The following PRRC2C variants were observed in gnomAD, a reference collection of about 807,000 sequenced individuals.
PRRC2C encodes the protein proline rich coiled-coil 2C.
Under a neutral mutation model 317.2 loss-of-function variants are expected in PRRC2C, and 72 were observed. The observed-to-expected ratio is 0.23, with a 90% CI of 0.19 to 0.28. The LOEUF (loss-of-function observed/expected upper bound fraction) is 0.28. Among genes scored for constraint, PRRC2C ranks in the 10% least tolerant of loss-of-function variants. The probability of loss-of-function intolerance (pLI) is 1.00; values close to 1 mark genes in which losing one functional copy is unlikely to be tolerated. For missense variants in PRRC2C, 3,074 were observed against 3,459.7 expected, an observed-to-expected ratio of 0.89 and a Z score of 2.80; for synonymous variants, 1,296 against 1,205.9, an observed-to-expected ratio of 1.07 and a Z score of -1.55.
chr1:171,550,076 A>G lies in PRRC2C; in HGVS notation c.4973-10A>G, dbSNP rs770605603. ...CAGAAAATATCTTAAATCCTTTCCC[A>G]CACCCACAGGTGTTGTTATAATTGA... On this transcript the variant is annotated splice_polypyrimidine_tract_variant and intron_variant, in intron 17 of 34. Transcript: ENST00000647382. The G allele has an allele frequency of 4.5e-6, 7 of 1,570,682 alleles. No homozygotes were observed. In the African/African-American group the frequency reaches 6.9e-5, roughly 15 times the overall value.
chr1:171,495,381 A>G (rs1172709459), intron 1 of PRRC2C, among the ~76,000 whole-genome samples: 3 of 152,342 alleles, frequency 2.0e-5, no homozygotes, highest in East Asian at 1.9e-4. Flanking sequence ...GTCATGGAAT[A>G]CATTGGTACT....
In PRRC2C at chr1:171,557,768, G is replaced by A. The variant is rs1453158798; in HGVS notation, c.5656G>A (p.Ala1886Thr). 3 of 1,550,044 alleles carry A rather than the reference G, an allele frequency of 1.9e-6. No homozygotes were observed. Among genetic ancestry groups the A allele is most frequent in the African/African-American group, 2.8e-5 (2 of 72,612 alleles). ...GCCAGCCCCAGCAGCCTCTTCCCCAGCTGCCCCAGTCATCACAGCACCAAC... is the reference window on the plus strand; with the variant it reads ...GCCAGCCCCAGCAGCCTCTTCCCCAACTGCCCCAGTCATCACAGCACCAAC... ...PTPAPAASSP[A>T]APVITAPTIP... The change falls in exon 19 of 35, where the codon GCT becomes ACT. Residue 1886 changes from alanine (A) to threonine (T), a missense_variant. Around this residue, in one of 11 missense-constraint regions of PRRC2C, gnomAD observed 640 missense variants for 676.1 expected, o/e 0.95. Transcript: ENST00000647382.
intron 6 of PRRC2C, 142 bp from the exon 7 acceptor site, chr1:171,522,035 C>T: frequency 2.8e-6 from 1 of 361,512 alleles, no homozygotes; most frequent in Non-Finnish European, 4.9e-6. Flanking sequence ...GAACAGATAA[C>T]AGTCATTAAT....
chr1:171,526,182 A>G (rs1228956573), intron 10 of PRRC2C, among the ~76,000 whole-genome samples: 1 of 152,134 alleles, frequency 6.6e-6, no homozygotes, highest in Non-Finnish European at 1.5e-5. Flanking sequence ...ATTTTGTTCC[A>G]TTATGTTTTA....
At position 171,586,926 on chromosome 1, in the gene PRRC2C, A is replaced by G. The variant is rs749428758; in HGVS notation, c.7750-77A>G. The G allele has an allele frequency of 5.3e-5, 56 of 1,055,252 alleles. 2 individuals carry two copies. The highest frequency in any genetic ancestry group is 4.6e-4 in the South Asian group (30 of 65,900). 65.4% of individuals were successfully genotyped at this position (1,055,252 alleles called of 1,614,324 possible). Reference sequence around the variant, plus strand: ...AAATCTTACTCAAAAGTATTTGAAGAGTTGTGTATAGTTGTATGGATATGT... The same window carrying G: ...AAATCTTACTCAAAAGTATTTGAAGGGTTGTGTATAGTTGTATGGATATGT... On this transcript the variant is annotated intron_variant, in intron 30 of 34. Coordinates refer to ENST00000647382, the MANE Select transcript of PRRC2C (RefSeq NM_001387844.1).
intron 16 of PRRC2C, among the ~76,000 whole-genome samples, chr1:171,544,278 C>T (rs1387085458): frequency 6.6e-6 from 1 of 152,132 alleles, no homozygotes; most frequent in Non-Finnish European, 1.5e-5. Flanking sequence ...CGTACACTAC[C>T]ATGCCCGGCT....
Position 171,536,266 on chromosome 1 carries a change from C to A in PRRC2C, c.2281C>A (p.Pro761Thr), listed in dbSNP as rs1676805931. 1 of 1,613,532 alleles carries A rather than the reference C, an allele frequency of 6.2e-7. No homozygotes were observed. The highest frequency in any genetic ancestry group is 8.5e-7 in the Non-Finnish European group (1 of 1,179,766). ...AGGAAGACCTGCTATGGATATTCCACCCATTCATCCTGGTCAGTTGAATTT... is the reference window on the plus strand; with the variant it reads ...AGGAAGACCTGCTATGGATATTCCAACCATTCATCCTGGTCAGTTGAATTT... ...MSGRPAMDIP[P>T]IHPGMIPPKP... Residue 761 changes from proline (P) to threonine (T), a missense_variant, in exon 14 of 35, where the codon CCC (proline) becomes ACC (threonine). By Grantham distance (38) the Pro-to-Thr change is conservative. Around this residue, in one of 11 missense-constraint regions of PRRC2C, gnomAD observed 1,320 missense variants for 1,395.7 expected, o/e 0.95. Transcript: ENST00000647382.
intron 1 of PRRC2C, among the ~76,000 whole-genome samples, chr1:171,490,889 C>G (rs1463976427): frequency 6.6e-6 from 1 of 152,150 alleles, no homozygotes; most frequent in Middle Eastern, 3.2e-3. Context: ...CTTTTTGTCA[C>G]TTTGTGCCAG....
intron 1 of PRRC2C, among the ~76,000 whole-genome samples, chr1:171,498,909 C>T (rs1443970706): frequency 6.6e-6 from 1 of 152,190 alleles, no homozygotes; most frequent in African/African-American, 2.4e-5. Flanking sequence ...TCAAATGGCC[C>T]TTCCACCTCA....
chr1:171,567,577 A>ACC lies in PRRC2C; in HGVS notation c.6559-669_6559-668insCC, dbSNP rs980741339. Among the ~76,000 whole-genome samples, 12 of 152,344 alleles carry ACC rather than the reference A, an allele frequency of 7.9e-5. No homozygotes were observed. The South Asian group carries it at 1.0e-3, about 13-fold the overall frequency. ...TTCAAAATGAGATTTGTGACAGGAA[A>ACC]CAAGGAGTGTACCCTAAAACCTGAG... On this transcript the variant is annotated intron_variant, in intron 22 of 34. Transcript: ENST00000647382.
At chr1:171,528,558 T>C (rs184273779) in intron 11 of PRRC2C, among the ~76,000 whole-genome samples, 1 of 152,332 alleles carries the variant, frequency 6.6e-6, no homozygotes, top group East Asian at 1.9e-4. Context: ...CCCAAAGTGC[T>C]GGGATTACAG....
intron 10 of PRRC2C, among the ~76,000 whole-genome samples, chr1:171,527,314 G>A (rs1293498057): frequency 6.8e-6 from 1 of 148,010 alleles, no homozygotes; most frequent in African/African-American, 2.5e-5. Context: ...TGTATTTTTA[G>A]TAGAGACAGG....
At chr1:171,535,321 T>C (rs1676618116) in intron 12 of PRRC2C, 107 bp from the exon 13 acceptor site, 1 of 934,480 alleles carries the variant, frequency 1.1e-6, no homozygotes, top group South Asian at 2.0e-5. Flanking sequence ...GTGTCGAGGA[T>C]ATTTTCTTCC....
intron 33 of PRRC2C, among the ~76,000 whole-genome samples, chr1:171,588,962 A>G (rs1459404353): frequency 6.6e-6 from 1 of 152,236 alleles, no homozygotes; most frequent in Non-Finnish European, 1.5e-5. Context: ...AAGAACTCTC[A>G]CAAACTAGAA....
chr1:171,519,688 G>C (rs183453934), intron 6 of PRRC2C, among the ~76,000 whole-genome samples: 140 of 152,210 alleles, frequency 9.2e-4, no homozygotes, highest in African/African-American at 2.8e-3. Context: ...TAGTTTTCCA[G>C]AAGACTCATT....
intron 15 of PRRC2C, among the ~76,000 whole-genome samples, chr1:171,538,094 G>A (rs1045990308): frequency 6.6e-6 from 1 of 152,076 alleles, no homozygotes; most frequent in Admixed American, 6.6e-5. Flanking sequence ...TAGAGACGGG[G>A]TTTCACCGTG....
chr1:171,486,366 C>G (rs1253008979), intron 1 of PRRC2C, among the ~76,000 whole-genome samples: 3 of 152,012 alleles, frequency 2.0e-5, no homozygotes, highest in Non-Finnish European at 2.9e-5. Context: ...CTCTAGGCCG[C>G]TCCATCCTCT....
intron 18 of PRRC2C, among the ~76,000 whole-genome samples, chr1:171,552,045 C>A (rs1183346583): frequency 1.3e-5 from 2 of 152,126 alleles, no homozygotes; most frequent in Non-Finnish European, 2.9e-5. Context: ...CTGTAAATTA[C>A]CTTGGGCAGT....
intron 28 of PRRC2C, among the ~76,000 whole-genome samples, chr1:171,580,568 T>TCACATACATTAAC (rs1321618742): frequency 1.3e-5 from 2 of 152,228 alleles, no homozygotes; most frequent in Non-Finnish European, 2.9e-5. Context: ...TAACTAAATT[T>TCACATACATTAAC]AGTCTTCACA....
Sources: gnomAD v4.1 joint callset for allele counts (sites outside exome capture counted in the v4.1 genomes callset) on GRCh38, gnomAD v4.1.1 for gene constraint, gnomAD v4.1.1 regional missense constraint, MANE v1.5 for transcripts, NCBI Gene and HGNC (gene_info 2026-07-23, HGNC 2026-07-21) for gene names.